ENTREP2: variants seen among roughly 807,000 people sequenced by gnomAD.
ENTREP2 encodes the protein protein ENTREP2.
the ENTREP2 span, among the ~76,000 whole-genome samples, chr15:29,140,587 T>A: frequency 1.3e-5 from 2 of 152,070 alleles, no homozygotes; most frequent in Non-Finnish European, 2.9e-5. Context: ...TAATCCCTAC[T>A]ATCAAACACG....
At chr15:29,670,728 G>C in the ENTREP2 span, among the ~76,000 whole-genome samples, 23 of 152,190 alleles carry the variant, frequency 1.5e-4, no homozygotes, top group Non-Finnish European at 1.3e-4. Flanking sequence ...GCAGTGAGGG[G>C]TCCCAGTACC....
chr15:29,339,480 TGTGAA>T, the ENTREP2 span, among the ~76,000 whole-genome samples: 2 of 151,334 alleles, frequency 1.3e-5, no homozygotes, highest in African/African-American at 4.9e-5. Context: ...GGGGATGAAC[TGTGAA>T]GTGAAGACAG....
At chr15:29,165,718 C>T in the ENTREP2 span, among the ~76,000 whole-genome samples, 1 of 152,074 alleles carries the variant, frequency 6.6e-6, no homozygotes, top group Non-Finnish European at 1.5e-5. Context: ...ATGTCCACGA[C>T]CAGACAGATT....
At chr15:29,233,423 T>C in the ENTREP2 span, among the ~76,000 whole-genome samples, 4 of 152,186 alleles carry the variant, frequency 2.6e-5, no homozygotes, top group African/African-American at 9.7e-5. Flanking sequence ...ATTTAAAAAA[T>C]GGATATAGCT....
the ENTREP2 span, among the ~76,000 whole-genome samples, chr15:29,251,574 TAG>T: frequency 6.6e-6 from 1 of 152,174 alleles, no homozygotes; most frequent in African/African-American, 2.4e-5. Flanking sequence ...TCGCTAATAT[TAG>T]TGTATTTTAT....
chr15:29,160,193 G>T, the ENTREP2 span, among the ~76,000 whole-genome samples: 2 of 152,188 alleles, frequency 1.3e-5, no homozygotes, highest in African/African-American at 2.4e-5. Context: ...CGGAGCCCAC[G>T]CCCACTTGGA....
At chr15:29,387,182 T>A in the ENTREP2 span, among the ~76,000 whole-genome samples, 1 of 151,988 alleles carries the variant, frequency 6.6e-6, no homozygotes, top group African/African-American at 2.4e-5. Context: ...CATCAATACC[T>A]AATTTATTGA....
the ENTREP2 span, among the ~76,000 whole-genome samples, chr15:29,537,926 A>G: frequency 1.3e-5 from 2 of 151,456 alleles, no homozygotes; most frequent in African/African-American, 2.4e-5. Context: ...CCTTCTCCAC[A>G]CTTCTGCAGG....
At chr15:29,250,843 G>A in the ENTREP2 span, among the ~76,000 whole-genome samples, 1 of 152,124 alleles carries the variant, frequency 6.6e-6, no homozygotes, top group Non-Finnish European at 1.5e-5. Flanking sequence ...CAATCTTAAG[G>A]GGGTCTACAC....
the ENTREP2 span, chr15:29,374,723 A>G: frequency 6.6e-6 from 1 of 152,292 alleles, no homozygotes; most frequent in East Asian, 1.9e-4. Context: ...TCTGGAAATT[A>G]TTCCACAAAG....
At chr15:29,605,100 GCT>G in the ENTREP2 span, among the ~76,000 whole-genome samples, 1,245 of 152,334 alleles carry the variant, frequency 8.2e-3, 12 homozygotes, top group African/African-American at 0.028. Flanking sequence ...TGCTGAAGCT[GCT>G]CTGTTTCCTG....
At chr15:29,381,905 G>A in the ENTREP2 span, 29 of 1,373,182 alleles carry the variant, frequency 2.1e-5, no homozygotes, top group Non-Finnish European at 2.6e-5. Context: ...ACTGTGAACC[G>A]TTTCAACCCG....
the ENTREP2 span, among the ~76,000 whole-genome samples, chr15:29,573,630 TCTC>T: frequency 1.4e-5 from 2 of 139,628 alleles, no homozygotes; most frequent in African/African-American, 5.6e-5. Flanking sequence ...CTCTCTCTCT[TCTC>T]TCTCTCTCCC....
chr15:29,336,601 G>A, the ENTREP2 span, among the ~76,000 whole-genome samples: 7 of 151,402 alleles, frequency 4.6e-5, no homozygotes, highest in African/African-American at 1.7e-4. Context: ...GTGAGCCACC[G>A]CGCCCAGCCT....
the ENTREP2 span, among the ~76,000 whole-genome samples, chr15:29,436,108 G>C: frequency 2.0e-5 from 3 of 152,120 alleles, no homozygotes; most frequent in African/African-American, 7.2e-5. Context: ...CAGAGTTCCT[G>C]CCATTCCATC....
At chr15:29,189,906 G>T in the ENTREP2 span, among the ~76,000 whole-genome samples, 1 of 152,214 alleles carries the variant, frequency 6.6e-6, no homozygotes, top group Non-Finnish European at 1.5e-5. Flanking sequence ...AGGAACGGGG[G>T]TCTGTAGCCT....
At chr15:29,415,361 A>G in the ENTREP2 span, among the ~76,000 whole-genome samples, 1 of 152,228 alleles carries the variant, frequency 6.6e-6, no homozygotes, top group Non-Finnish European at 1.5e-5. Flanking sequence ...GAAAATCAAT[A>G]AACGTAATCC....
chr15:29,292,527 C>T, the ENTREP2 span, among the ~76,000 whole-genome samples: 8 of 152,136 alleles, frequency 5.3e-5, no homozygotes, highest in African/African-American at 1.7e-4. Context: ...ATTACAGGCA[C>T]GTGCCACTAC....
the ENTREP2 span, among the ~76,000 whole-genome samples, chr15:29,370,170 A>AC: frequency 0.014 from 2,115 of 152,354 alleles, 58 homozygotes; most frequent in African/African-American, 0.049. Context: ...TTAAAAAATT[A>AC]AACTCTCCAA....
Sources: allele counts gnomAD v4.1 joint callset (sites outside exome capture counted in the v4.1 genomes callset), GRCh38; gene constraint gnomAD v4.1.1; transcripts MANE v1.5; gene names NCBI Gene and HGNC (gene_info 2026-07-23, HGNC 2026-07-21).